CAMTA1: variants seen among roughly 807,000 people sequenced by gnomAD.
CAMTA1 encodes calmodulin-binding transcription activator 1.
Under a neutral mutation model 170.9 loss-of-function variants are expected in CAMTA1, and 27 were observed. The ratio of observed to expected loss-of-function variants is 0.16; its 90% confidence interval spans 0.12 to 0.22. The LOEUF (loss-of-function observed/expected upper bound fraction) is 0.22, where lower values mean the gene tolerates loss of function less well. Ranked by LOEUF, CAMTA1 falls within the 10% of genes least tolerant of loss-of-function variation. CAMTA1 has a pLI of 1.00. For missense variants in CAMTA1, 1,619 were observed against 2,217.2 expected (o/e 0.73, Z 5.42); for synonymous variants, 833 against 891.5 (o/e 0.93, Z 1.17).
intron 3 of CAMTA1, among the ~76,000 whole-genome samples, chr1:6,932,191 C>T (rs138943224): frequency 5.3e-5 from 8 of 152,168 alleles, no homozygotes; most frequent in South Asian, 2.1e-4. Flanking sequence ...GGGCCTCCCC[C>T]CTCCTCGCCA....
At chr1:7,538,168 A>G (rs1328135297) in intron 6 of CAMTA1, among the ~76,000 whole-genome samples, 1 of 152,216 alleles carries the variant, frequency 6.6e-6, no homozygotes, top group Non-Finnish European at 1.5e-5. Context: ...GCATTTGCCA[A>G]TCTCCATAGT....
At chr1:7,542,928 G>T (rs373615978) in intron 6 of CAMTA1, among the ~76,000 whole-genome samples, 1 of 150,750 alleles carries the variant, frequency 6.6e-6, no homozygotes, top group African/African-American at 2.4e-5. Flanking sequence ...GCAGTGGCGC[G>T]ATCTCGGCTC....
intron 6 of CAMTA1, among the ~76,000 whole-genome samples, chr1:7,567,307 G>A (rs1293045246): frequency 2.0e-5 from 3 of 152,210 alleles, no homozygotes; most frequent in Non-Finnish European, 4.4e-5. Flanking sequence ...GGGCAGGCAG[G>A]ACTGCTCACA....
chr1:7,738,492 A>G lies in CAMTA1; in HGVS notation c.4182+10A>G, dbSNP rs1208737087. ...CATGGATGACATACAGGTAAAAAGC[A>G]GGGACAGGGTAAGCCCGCAGAGGCT... On this transcript the variant is annotated intron_variant, in intron 16 of 22. Transcript: ENST00000303635. The surrounding 1 kb of genome is among the most constrained non-coding windows in gnomAD (Gnocchi z 4.9). 6.2e-7 allele frequency: 1 copy of G among 1,610,818 alleles called. No individual in the cohort carries two copies. The highest frequency in any genetic ancestry group is 8.5e-7 in the Non-Finnish European group (1 of 1,177,808).
intron 6 of CAMTA1, among the ~76,000 whole-genome samples, chr1:7,573,071 G>A (rs2095143817): frequency 6.6e-6 from 1 of 152,208 alleles, no homozygotes. Flanking sequence ...TGGTTCAGAA[G>A]GGTTTACTCC....
At chr1:7,763,442 T>A (rs2096991355) in intron 22 of CAMTA1, among the ~76,000 whole-genome samples, 1 of 152,224 alleles carries the variant, frequency 6.6e-6, no homozygotes, top group Non-Finnish European at 1.5e-5. Flanking sequence ...TTGTTCTCAT[T>A]TTTCCTGCGT....
At chr1:7,579,860 T>C (rs1397765231) in intron 6 of CAMTA1, among the ~76,000 whole-genome samples, 1 of 152,214 alleles carries the variant, frequency 6.6e-6, no homozygotes, top group Non-Finnish European at 1.5e-5. Flanking sequence ...GCGCCCAGCC[T>C]TAAAGTCCAC....
intron 3 of CAMTA1, among the ~76,000 whole-genome samples, chr1:6,858,078 G>T (rs185312523): frequency 4.6e-5 from 7 of 152,330 alleles, no homozygotes; most frequent in Non-Finnish European, 7.3e-5. Flanking sequence ...GAATGGGAAG[G>T]AATGAGGAGT....
At chr1:7,745,725 C>A (rs77432244) in intron 17 of CAMTA1, 120 bp from the exon 18 acceptor site, 2 of 1,188,840 alleles carry the variant, frequency 1.7e-6, no homozygotes, top group Non-Finnish European at 2.4e-6. Flanking sequence ...TGAATGAAGG[C>A]ATGTTCCTAA....
At chr1:7,019,759 C>T (rs867050907) in intron 3 of CAMTA1, among the ~76,000 whole-genome samples, 4 of 152,240 alleles carry the variant, frequency 2.6e-5, no homozygotes, top group African/African-American at 4.8e-5. Context: ...GCCTTTGACC[C>T]GGAAATGTGA....
rs990107712 is a variant in CAMTA1, at chr1:7,532,379, G to A, written c.510+64478G>A. 2.6e-5 allele frequency among the ~76,000 whole-genome samples: 4 copies of A among 152,076 alleles called. No homozygotes were observed. Among genetic ancestry groups the A allele is most frequent in the South Asian group, 2.1e-4 (1 of 4,806 alleles). ...TGCAGTGGTATAGTCACAGCACACC[G>A]CAGCCTCCTGGGCTCAAGTGATCCT... is the stretch of plus-strand genomic sequence containing the variant. On this transcript the variant is annotated intron_variant, in intron 6 of 22. Transcript: ENST00000303635. The surrounding 1 kb of genome is among the most constrained non-coding windows in gnomAD (Gnocchi z 4.2).
At chr1:7,039,350 C>G (rs970654299) in intron 3 of CAMTA1, among the ~76,000 whole-genome samples, 4 of 152,174 alleles carry the variant, frequency 2.6e-5, no homozygotes, top group Non-Finnish European at 5.9e-5. Context: ...CCAGGCAACC[C>G]TTGTAATTCT....
At chr1:7,499,448 A>G (rs867399622) in intron 6 of CAMTA1, among the ~76,000 whole-genome samples, 4 of 62,728 alleles carry the variant, frequency 6.4e-5, no homozygotes, top group Non-Finnish European at 1.1e-4. Context: ...GCATATGTAT[A>G]TGAGTGTGTG....
chr1:7,242,666 C>T (rs967134338), intron 4 of CAMTA1, among the ~76,000 whole-genome samples: 4 of 152,144 alleles, frequency 2.6e-5, no homozygotes, highest in South Asian at 2.1e-4. Context: ...TGGTGGCTCA[C>T]GCCTGTAATC....
At chr1:7,231,805 T>G (rs1662888870) in intron 4 of CAMTA1, among the ~76,000 whole-genome samples, 1 of 152,198 alleles carries the variant, frequency 6.6e-6, no homozygotes, top group Non-Finnish European at 1.5e-5. Flanking sequence ...TGCTGTCCTC[T>G]TCTGTCAAAT....
intron 11 of CAMTA1, chr1:7,693,069 TA>T (rs1467097787): frequency 1.3e-5 from 2 of 152,420 alleles, no homozygotes; most frequent in East Asian, 3.9e-4. Context: ...GTGCAAGTGT[TA>T]ATGTATCAGT....
Position 7,566,204 on chromosome 1 carries a change from C to T in CAMTA1, c.511-74196C>T, listed in dbSNP as rs189099693. 1.5e-3 allele frequency among the ~76,000 whole-genome samples: 224 copies of T among 152,286 alleles called. 1 individual carries two copies. Among genetic ancestry groups the T allele is most frequent in the African/African-American group, 5.1e-3 (213 of 41,558 alleles). Reference sequence around the variant, plus strand: ...TGGAGACAAGGGATCTGGTGCGAGCCGGGCTGGGCCCCTGGGTGACCCCCA... The same window carrying T: ...TGGAGACAAGGGATCTGGTGCGAGCTGGGCTGGGCCCCTGGGTGACCCCCA... On this transcript the variant is annotated intron_variant, in intron 6 of 22. Coordinates refer to ENST00000303635, the MANE Select transcript of CAMTA1 (RefSeq NM_015215.4).
intron 6 of CAMTA1, among the ~76,000 whole-genome samples, chr1:7,631,832 A>T (rs1387371650): frequency 6.6e-6 from 1 of 152,156 alleles, no homozygotes; most frequent in African/African-American, 2.4e-5. Context: ...ATAGAACCCA[A>T]GCCTGCCAAG....
rs759968974 is a variant in CAMTA1, at chr1:7,737,562, C to T, written c.3650C>T (p.Thr1217Ile). 66 of 1,604,426 alleles carry T rather than the reference C, an allele frequency of 4.1e-5. No homozygotes were observed. Among genetic ancestry groups the T allele is most frequent in the South Asian group, 5.5e-5 (5 of 90,222 alleles). The stretch of plus-strand genomic sequence containing the variant: ...AAGGGAGTCACTGTTATTGCAAGCA[C>T]CAACCCAGGTAAGAATTCAGAATCA... ...IPKGVTVIAS[T>I]NPELRRPRSE... The change falls in exon 15 of 23, where the codon ACC (threonine) becomes ATC (isoleucine). Residue 1217 changes from threonine (T) to isoleucine (I), a missense_variant. Thr to Ile is a moderately conservative substitution (Grantham distance 89). This residue lies in a region of CAMTA1 where 370 missense variants were observed against 429.4 expected (regional missense o/e 0.86). Transcript: ENST00000303635.
Sources: gnomAD v4.1 joint callset for allele counts (sites outside exome capture counted in the v4.1 genomes callset) on GRCh38, gnomAD v4.1.1 for gene constraint, gnomAD v4.1.1 regional missense constraint, Gnocchi (gnomAD v3.1) non-coding constraint, MANE v1.5 for transcripts, NCBI Gene and HGNC (gene_info 2026-07-23, HGNC 2026-07-21) for gene names.